GAS7: variants seen among roughly 807,000 people sequenced by gnomAD.
GAS7 encodes growth arrest specific 7, also known as growth arrest-specific protein 7.
In GAS7, 28 loss-of-function variants were observed where a neutral mutation model predicts 71.1. That is an observed-to-expected ratio of 0.39 (90% CI 0.29 to 0.54). The LOEUF is 0.54. Among genes scored for constraint, GAS7 ranks in the 20% least tolerant of loss-of-function variants. The pLI is 0.62. For synonymous variants in GAS7, 258 were observed against 245.8 expected (o/e 1.05, Z -0.46); for missense variants, 436 against 627.8 (o/e 0.69, Z 3.27).
rs79466747 is a variant in GAS7 at position 10,132,805 on chromosome 17, C to G, written c.183+65403G>C. Among the ~76,000 whole-genome samples, 97 of 152,146 alleles carry G rather than the reference C, an allele frequency of 6.4e-4. 2 individuals are homozygous for G. The East Asian group carries it at 0.019, about 29-fold the overall frequency. On this transcript the variant is annotated intron_variant, in intron 1 of 13. Coordinates refer to ENST00000432992, the MANE Select transcript of GAS7 (RefSeq NM_201433.2). ...TAAAGCAATTTAATCTTTAAAGTCT[C>G]TTTTAAAAAGGCTGGGGGAGGGGCT...
intron 1 of GAS7, among the ~76,000 whole-genome samples, chr17:10,130,359 T>C (rs1168031435): frequency 6.7e-6 from 1 of 149,346 alleles, no homozygotes; most frequent in Non-Finnish European, 1.5e-5. Flanking sequence ...CGTAGATAAT[T>C]ACCAATGTTG....
At chr17:10,153,323 C>T (rs529876091) in intron 1 of GAS7, among the ~76,000 whole-genome samples, 133 of 152,084 alleles carry the variant, frequency 8.7e-4, no homozygotes, top group African/African-American at 3.1e-3. Flanking sequence ...AAGAGACCAG[C>T]CTGGCCAATA....
chr17:10,071,736 C>A (rs2073341347), intron 1 of GAS7, among the ~76,000 whole-genome samples: 1 of 151,762 alleles, frequency 6.6e-6, no homozygotes, highest in East Asian at 1.9e-4. Context: ...ACCAGCCTTG[C>A]CAATATGGTG....
intron 1 of GAS7, among the ~76,000 whole-genome samples, chr17:10,045,581 C>T (rs555553135): frequency 6.6e-6 from 1 of 152,148 alleles, no homozygotes; most frequent in South Asian, 2.1e-4. Flanking sequence ...CCTGTAATCC[C>T]AGCTACTCAG....
At chr17:9,928,540 A>G (rs1030387853) in intron 9 of GAS7, among the ~76,000 whole-genome samples, 12 of 151,928 alleles carry the variant, frequency 7.9e-5, no homozygotes, top group African/African-American at 2.7e-4. Context: ...TCTTCAACCT[A>G]TGACCACCCC....
rs917825451 is a variant in GAS7 at position 9,912,015 on chromosome 17, C to A, written c.*5213G>T. ...GTGTGATCACCAGCTAGGCAAGGCT[C>A]CAGCTGCGACAAGGACTCCATCTTC... On this transcript the variant is annotated 3_prime_UTR_variant, in exon 14 of 14. Transcript: ENST00000432992. 1 of 232,060 alleles carries A rather than the reference C, an allele frequency of 4.3e-6. No individual in the cohort carries two copies. The highest frequency in any genetic ancestry group is 8.5e-6 in the Non-Finnish European group (1 of 117,388). The allele number at this position is 232,060 out of a possible 1,614,324, so 14.4% of individuals were successfully genotyped here.
At position 10,039,826 on chromosome 17, in the gene GAS7, G is replaced by A. The variant is rs549948625; in HGVS notation, c.184-19929C>T. ...GTCAATCGAGGGATTTTCCGTTTAG[G>A]GGTGTGGCACCCTCTGGGGCTCCCA... On this transcript the variant is annotated intron_variant, in intron 1 of 13. Coordinates refer to ENST00000432992, the MANE Select transcript of GAS7 (RefSeq NM_201433.2). 1.9e-4 allele frequency: 85 copies of A among 449,058 alleles called. 1 individual carries two copies. The highest frequency in any genetic ancestry group is 3.1e-4 in the Non-Finnish European group (70 of 224,476). 27.8% of individuals were successfully genotyped at this position (449,058 alleles called of 1,614,324 possible).
chr17:10,093,484 G>A (rs1039972713), intron 1 of GAS7, among the ~76,000 whole-genome samples: 5 of 139,030 alleles, frequency 3.6e-5, no homozygotes, highest in East Asian at 2.1e-4. Flanking sequence ...CAGGAGAATC[G>A]CTTGAACCCA....
intron 1 of GAS7, among the ~76,000 whole-genome samples, chr17:10,102,654 T>C (rs2073715024): frequency 6.6e-6 from 1 of 152,120 alleles, no homozygotes; most frequent in African/African-American, 2.4e-5. Context: ...GATGAGCATC[T>C]GAATTACCAG....
intron 1 of GAS7, among the ~76,000 whole-genome samples, chr17:10,139,349 TC>T (rs745690568): frequency 7.9e-5 from 12 of 152,348 alleles, no homozygotes; most frequent in Non-Finnish European, 1.5e-4. Flanking sequence ...AAACCATTTG[TC>T]CAGGGGACAG....
intron 1 of GAS7, among the ~76,000 whole-genome samples, chr17:10,118,608 G>A (rs1454484446): frequency 6.7e-6 from 1 of 149,834 alleles, no homozygotes; most frequent in Non-Finnish European, 1.5e-5. Flanking sequence ...GGGGGCTGAG[G>A]CAGGAGAATC....
chr17:9,928,059 T>C (rs2068074307), intron 9 of GAS7, among the ~76,000 whole-genome samples: 1 of 152,114 alleles, frequency 6.6e-6, no homozygotes, highest in Non-Finnish European at 1.5e-5. Flanking sequence ...AAAAGAACTT[T>C]TCCTTAAAAT....
intron 1 of GAS7, among the ~76,000 whole-genome samples, chr17:10,105,554 T>C (rs577758557): frequency 6.6e-6 from 1 of 152,214 alleles, no homozygotes; most frequent in South Asian, 2.1e-4. Flanking sequence ...TGCATGACAC[T>C]TTTGCACTTG....
intron 7 of GAS7, among the ~76,000 whole-genome samples, chr17:9,940,569 T>TC (rs1265285221): frequency 7.9e-5 from 12 of 152,204 alleles, no homozygotes; most frequent in African/African-American, 2.9e-4. Flanking sequence ...CGTGATGGAC[T>TC]ACCAGCAATC....
At chr17:10,128,921 CCTG>C (rs2073974893) in intron 1 of GAS7, among the ~76,000 whole-genome samples, 2 of 152,190 alleles carry the variant, frequency 1.3e-5, no homozygotes, top group Non-Finnish European at 2.9e-5. Flanking sequence ...CTGCACCCGG[CCTG>C]CTTTTTCTTT....
Position 10,019,871 on chromosome 17 carries a change from C to A in GAS7, c.210G>T (p.Pro70=), listed in dbSNP as rs754969105. Residue 70 remains proline (P), a synonymous_variant, in exon 2 of 14, where the codon CCG becomes CCT. Transcript: ENST00000432992. ...LEKPGMVPPP[P]GEESQTVILP... The stretch of plus-strand genomic sequence containing the variant: ...GGATGACCGTCTGGCTTTCTTCTCC[C>A]GGCGGAGGGGGGACCATTCCAGGCT... 1 of 1,613,774 alleles carries A rather than the reference C, an allele frequency of 6.2e-7. No individual in the cohort carries two copies. Among genetic ancestry groups the A allele is most frequent in the Non-Finnish European group, 8.5e-7 (1 of 1,179,872 alleles).
At chr17:10,008,947 A>G (rs563764927) in intron 2 of GAS7, among the ~76,000 whole-genome samples, 2 of 152,320 alleles carry the variant, frequency 1.3e-5, no homozygotes, top group Admixed American at 1.3e-4. Context: ...ACTTTTATTA[A>G]CACGGAATTA....
rs116308270 is a variant in GAS7 at position 9,968,906 on chromosome 17, G to C, written c.471+771C>G. Among the ~76,000 whole-genome samples, 438 of 152,212 alleles carry C rather than the reference G, an allele frequency of 2.9e-3. 2 individuals are homozygous for C. The highest frequency in any genetic ancestry group is 0.01 in the African/African-American group (420 of 41,530). On this transcript the variant is annotated intron_variant, in intron 4 of 13. Coordinates refer to ENST00000432992, the MANE Select transcript of GAS7 (RefSeq NM_201433.2). ...CCAGGATTCTGGCATTTTAATTCCT[G>C]GAAAAGGCTGCTGGAGTTTGGAAGC...
Position 9,981,742 on chromosome 17 carries a change from C to G in GAS7, c.385+62G>C. 1 of 934,902 alleles carries G rather than the reference C, an allele frequency of 1.1e-6. No homozygotes were observed. The highest frequency in any genetic ancestry group is 1.8e-6 in the Non-Finnish European group (1 of 563,712). 57.9% of individuals were successfully genotyped at this position (934,902 alleles called of 1,614,324 possible). On this transcript the variant is annotated intron_variant, in intron 3 of 13. Transcript: ENST00000432992. The surrounding 1 kb of genome is among the most constrained non-coding windows in gnomAD (Gnocchi z 4.4). ...AAGACCCAGGACCCATCATCTCAGCCTCTCCACTGAATGTGGCATCAGGGC... is the reference window on the plus strand; with the variant it reads ...AAGACCCAGGACCCATCATCTCAGCGTCTCCACTGAATGTGGCATCAGGGC...
Sources: gnomAD v4.1 joint callset for allele counts (sites outside exome capture counted in the v4.1 genomes callset) on GRCh38, gnomAD v4.1.1 for gene constraint, Gnocchi (gnomAD v3.1) non-coding constraint, MANE v1.5 for transcripts, NCBI Gene and HGNC (gene_info 2026-07-23, HGNC 2026-07-21) for gene names.